D2HGDH: variants seen among roughly 807,000 people sequenced by gnomAD.
The protein encoded by D2HGDH is D-2-hydroxyglutarate dehydrogenase, also known as D-2-hydroxyglutarate dehydrogenase, mitochondrial.
D2HGDH carries 31 observed loss-of-function variants against 46.9 expected under a neutral mutation model. That is an observed-to-expected ratio of 0.66 (90% CI 0.50 to 0.89). D2HGDH has a LOEUF of 0.89. Ranked by LOEUF, D2HGDH falls within the 40% of genes least tolerant of loss-of-function variation. The pLI is 0.00. For missense variants in D2HGDH, 698 were observed against 720.8 expected (o/e 0.97, Z 0.36); for synonymous variants, 364 against 332.6 (o/e 1.09, Z -1.03).
chr2:241,734,869 C>T, intron 1 of D2HGDH, 174 bp downstream of exon 1: 1 of 237,912 alleles, frequency 4.2e-6, no homozygotes, highest in Non-Finnish European at 8.2e-6. Context: ...CGCGCGCGTC[C>T]GCGGGATCCC....
chr2:241,752,942 C>CA (rs1438207151), intron 8 of D2HGDH, among the ~76,000 whole-genome samples: 1 of 151,672 alleles, frequency 6.6e-6, no homozygotes, highest in Non-Finnish European at 1.5e-5. Context: ...ACGCCACCCC[C>CA]AGGGCGGACT....
chr2:241,746,698 G>C (rs769519433), intron 6 of D2HGDH, among the ~76,000 whole-genome samples: 1 of 152,014 alleles, frequency 6.6e-6, no homozygotes, highest in Non-Finnish European at 1.5e-5. Flanking sequence ...GACCAGCCTG[G>C]TCAACAAGGT....
In D2HGDH at chr2:241,743,674, G is replaced by A; in HGVS notation, c.543G>A (p.Val181=). 1.9e-6 allele frequency: 3 copies of A among 1,614,052 alleles called. No individual in the cohort carries two copies. The highest frequency in any genetic ancestry group is 2.5e-6 in the Non-Finnish European group (3 of 1,179,998). Residue 181 remains valine, a synonymous_variant, in exon 5 of 10, where the codon GTG becomes GTA. Transcript: ENST00000321264. The surrounding 1 kb of genome is among the most constrained non-coding windows in gnomAD (Gnocchi z 4.8). ...TCCTGGAGGAGCTGAGCCGGTATGT[G>A]GAGGAACGGGACTTCATCATGCCGC... The part of the protein sequence containing the change: ...GCVLEELSRY[V]EERDFIMPLD...
chr2:241,751,803 C>T (rs929958009), intron 8 of D2HGDH, among the ~76,000 whole-genome samples: 2 of 152,108 alleles, frequency 1.3e-5, no homozygotes, highest in Admixed American at 6.5e-5. Flanking sequence ...GGGCAGTTTT[C>T]CTTCCCTAGG....
chr2:241,740,717 T>A (rs4073891), intron 2 of D2HGDH, among the ~76,000 whole-genome samples: 4 of 151,944 alleles, frequency 2.6e-5, no homozygotes, highest in Non-Finnish European at 5.9e-5. Flanking sequence ...GAGGCCGCAG[T>A]GGGCGGATCA....
In D2HGDH at chr2:241,742,394, G is replaced by A; in HGVS notation, c.351-41G>A. ...TGTCCTTGGGGATGGTGGCGTAGGG[G>A]TGGGGACAGAGCCCCAACGTCCCTC... is the stretch of plus-strand genomic sequence containing the variant. On this transcript the variant is annotated intron_variant, in intron 3 of 9. Coordinates refer to ENST00000321264, the MANE Select transcript of D2HGDH (RefSeq NM_152783.5). The surrounding 1 kb of genome is among the most constrained non-coding windows in gnomAD (Gnocchi z 4.8). The A allele has an allele frequency of 6.4e-7, 1 of 1,572,804 alleles. No individual in the cohort carries two copies. Among genetic ancestry groups the A allele is most frequent in the Non-Finnish European group, 8.6e-7 (1 of 1,157,546 alleles).
At chr2:241,747,738 T>C (rs570585188) in intron 6 of D2HGDH, among the ~76,000 whole-genome samples, 4 of 152,080 alleles carry the variant, frequency 2.6e-5, no homozygotes, top group South Asian at 4.2e-4. Flanking sequence ...ATTTTTAAAA[T>C]TGTTTTATAG....
chr2:241,749,454 A>C, intron 6 of D2HGDH: 1 of 1,113,456 alleles, frequency 9.0e-7, no homozygotes, highest in Non-Finnish European at 1.2e-6. Flanking sequence ...GCCTGCAGAC[A>C]TCTCCACTCA....
chr2:241,743,832 G>C lies in D2HGDH; in HGVS notation c.684+17G>C. 6.3e-7 allele frequency: 1 copy of C among 1,584,946 alleles called. No individual in the cohort carries two copies. ...CTGGAAGTGGTGAGCTGGGGCAGCT[G>C]CTTGGTGCAGAGGTCGCCACGGGGT... On this transcript the variant is annotated intron_variant, in intron 5 of 9. Coordinates refer to ENST00000321264, the MANE Select transcript of D2HGDH (RefSeq NM_152783.5). The surrounding 1 kb of genome is among the most constrained non-coding windows in gnomAD (Gnocchi z 4.8).
At position 241,743,497 on chromosome 2, in the gene D2HGDH, C is replaced by G; in HGVS notation, c.491-125C>G. On this transcript the variant is annotated intron_variant, in intron 4 of 9. Coordinates refer to ENST00000321264, the MANE Select transcript of D2HGDH (RefSeq NM_152783.5). This position sits in a 1 kb window ranked among gnomAD's most constrained non-coding sequence, Gnocchi z 4.8. ...GCGATGTGGGGGTGCCTCTTCTCCT[C>G]AGCCCTGGCGCTGAGGCTGATGTTC... is the stretch of plus-strand genomic sequence containing the variant. The G allele has an allele frequency of 1.8e-6, 2 of 1,114,270 alleles. No individual in the cohort carries two copies. The highest frequency in any genetic ancestry group is 1.3e-6 in the Non-Finnish European group (1 of 766,010). 69.0% of individuals were successfully genotyped at this position (1,114,270 alleles called of 1,614,324 possible).
In D2HGDH at chr2:241,744,909, G is replaced by C. The variant is rs1300944885; in HGVS notation, c.853+32G>C. 3 of 1,613,460 alleles carry C rather than the reference G, an allele frequency of 1.9e-6. No individual in the cohort carries two copies. In the South Asian group the frequency reaches 3.3e-5, roughly 18 times the overall value. ...TTCCTCGATGTGTGCCTTGAGATGG[G>C]TGGTTGGGCTCGAGCGTCTGCTCTG... On this transcript the variant is annotated intron_variant, in intron 6 of 9. Coordinates refer to ENST00000321264, the MANE Select transcript of D2HGDH (RefSeq NM_152783.5).
In D2HGDH at chr2:241,735,270, G is replaced by A. The variant is rs1342645458; in HGVS notation, c.46G>A (p.Gly16Ser). The A allele has an allele frequency of 6.6e-7, 1 of 1,520,570 alleles. No individual in the cohort carries two copies. The highest frequency in any genetic ancestry group is 2.0e-5 in the Admixed American group (1 of 49,142). The allele number at this position is 1,520,570 out of a possible 1,614,324, so 94.2% of individuals were successfully genotyped here. A position where few individuals can be genotyped will look rare whatever the true frequency, so the allele number is the denominator to read the frequency against. Residue 16 changes from glycine to serine, a missense_variant, in exon 2 of 10, where the codon GGT (glycine) becomes AGT (serine). Coordinates refer to ENST00000321264, the MANE Select transcript of D2HGDH (RefSeq NM_152783.5). ...PLAWPAWLLR[G>S]APGAAGSWGR... The stretch of plus-strand genomic sequence containing the variant: ...GGCGTGGCCCGCGTGGCTGTTGCGG[G>A]GTGCTCCGGGAGCCGCGGGTTCTTG...
At chr2:241,757,926 T>A (rs1698340950) in intron 9 of D2HGDH, among the ~76,000 whole-genome samples, 1 of 147,602 alleles carries the variant, frequency 6.8e-6, no homozygotes, top group African/African-American at 2.5e-5. Flanking sequence ...ACCATTGCAC[T>A]CCAGCCTGGG....
rs1694731532 is a variant in D2HGDH, at chr2:241,742,424, C to T, written c.351-11C>T. The T allele has an allele frequency of 2.5e-6, 4 of 1,606,080 alleles. No individual in the cohort carries two copies. The African/African-American group carries it at 4.0e-5, about 16-fold the overall frequency. On this transcript the variant is annotated splice_polypyrimidine_tract_variant and intron_variant, in intron 3 of 9. Transcript: ENST00000321264. This position sits in a 1 kb window ranked among gnomAD's most constrained non-coding sequence, Gnocchi z 4.8. Reference sequence around the variant, plus strand: ...GACAGAGCCCCAACGTCCCTCCTGTCCTCATCCCAGGCACTGCCACGAGAG... The same window carrying T: ...GACAGAGCCCCAACGTCCCTCCTGTTCTCATCCCAGGCACTGCCACGAGAG...
intron 7 of D2HGDH, 95 bp downstream of exon 7, chr2:241,750,389 GT>G: frequency 9.6e-6 from 13 of 1,355,550 alleles, no homozygotes; most frequent in Non-Finnish European, 1.3e-5. Context: ...TGGGCGGGGG[GT>G]GCCCGGGCGG....
intron 9 of D2HGDH, among the ~76,000 whole-genome samples, chr2:241,760,491 A>T (rs1351860792): frequency 6.7e-6 from 1 of 148,734 alleles, no homozygotes; most frequent in African/African-American, 2.5e-5. Context: ...GGTGGGCCTT[A>T]CCCAGTCAAA....
rs1699269500 is a variant in D2HGDH at position 241,767,729 on chromosome 2, CA to C, written c.1328del (p.Asn443MetfsTer2). 6.2e-7 allele frequency: 1 copy of C among 1,612,828 alleles called. No individual in the cohort carries two copies. Among genetic ancestry groups the C allele is most frequent in the South Asian group, 1.1e-5 (1 of 91,078 alleles). On this transcript the variant is annotated frameshift_variant, in exon 10 of 10. Coordinates refer to ENST00000321264, the MANE Select transcript of D2HGDH (RefSeq NM_152783.5). LOFTEE classifies it high-confidence loss of function. ...CTCCAGGAGATGGTAACCTGCACCT[CA>C]ATGTGACGGCGGAGGCCTTCAGCCC... ...GHLGDGNLHL[N>X]VTAEAFSPSL...
chr2:241,755,460 C>CAT lies in D2HGDH; in HGVS notation c.1141-388_1141-387dup, dbSNP rs965639045. 4.6e-6 allele frequency: 6 copies of CAT among 1,316,928 alleles called. No individual in the cohort carries two copies. The African/African-American group carries it at 7.5e-5, about 17-fold the overall frequency. The allele number at this position is 1,316,928 out of a possible 1,614,324, so 81.6% of individuals were successfully genotyped here. ...TGGCCCTTGCCACTCTGTGCCGTGT[C>CAT]ATGACCTGAAGCTGCAGGTGGGCGC... On this transcript the variant is annotated intron_variant, in intron 8 of 9. Coordinates refer to ENST00000321264, the MANE Select transcript of D2HGDH (RefSeq NM_152783.5).
At chr2:241,758,749 C>T (rs1201919468) in intron 9 of D2HGDH, among the ~76,000 whole-genome samples, 2 of 150,036 alleles carry the variant, frequency 1.3e-5, no homozygotes, top group African/African-American at 4.9e-5. Flanking sequence ...TGATCTATAC[C>T]GCCCCCCGCC....
Sources: allele counts gnomAD v4.1 joint callset (sites outside exome capture counted in the v4.1 genomes callset), GRCh38; gene constraint gnomAD v4.1.1; non-coding constraint Gnocchi (gnomAD v3.1); transcripts MANE v1.5; gene names NCBI Gene and HGNC (gene_info 2026-07-23, HGNC 2026-07-21).